Variants in TMEM132D observed in about 807,000 individuals in gnomAD.
TMEM132D encodes the protein mature OL transmembrane protein.
A neutral mutation model predicts 62.3 loss-of-function variants in TMEM132D; 21 were observed. That is an observed-to-expected ratio of 0.34 (90% CI 0.24 to 0.49). The LOEUF is 0.49. Among genes scored for constraint, TMEM132D ranks in the 20% least tolerant of loss-of-function variants. The pLI is 0.99. For missense variants in TMEM132D, 1,346 were observed against 1,402.8 expected (o/e 0.96, Z 0.65); for synonymous variants, 621 against 575.6 (o/e 1.08, Z -1.13).
At chr12:129,490,302 G>A (rs1323612622) in intron 3 of TMEM132D, among the ~76,000 whole-genome samples, 3 of 151,712 alleles carry the variant, frequency 2.0e-5, no homozygotes, top group East Asian at 3.9e-4. Flanking sequence ...CAGTTTAGAT[G>A]TCTATGTGTT....
At chr12:129,333,694 G>T (rs1186340489) in intron 4 of TMEM132D, among the ~76,000 whole-genome samples, 1 of 152,162 alleles carries the variant, frequency 6.6e-6, no homozygotes, top group East Asian at 1.9e-4. Context: ...TCCTGGAATA[G>T]CTCACTCTCT....
chr12:129,457,488 GC>G (rs1439164339), intron 3 of TMEM132D, among the ~76,000 whole-genome samples: 8 of 150,612 alleles, frequency 5.3e-5, no homozygotes. Context: ...TATACCTAAT[GC>G]TAAATGACGA....
chr12:129,522,099 T>C (rs1316866340), intron 3 of TMEM132D, among the ~76,000 whole-genome samples: 3 of 152,134 alleles, frequency 2.0e-5, no homozygotes, highest in Non-Finnish European at 4.4e-5. Context: ...GTATTGCCAG[T>C]TTCTCTAACT....
At chr12:129,349,250 A>G (rs191657969) in intron 3 of TMEM132D, among the ~76,000 whole-genome samples, 1 of 152,336 alleles carries the variant, frequency 6.6e-6, no homozygotes, top group East Asian at 1.9e-4. Flanking sequence ...AGTATGCCAG[A>G]CTTTGAATCC....
intron 4 of TMEM132D, among the ~76,000 whole-genome samples, chr12:129,279,092 C>A (rs564283249): frequency 1.3e-5 from 2 of 151,972 alleles, no homozygotes; most frequent in Non-Finnish European, 2.9e-5. Flanking sequence ...AATTTAGCCA[C>A]GAAATTTAAT....
chr12:129,616,682 A>G (rs1878925569), intron 2 of TMEM132D, among the ~76,000 whole-genome samples: 1 of 152,148 alleles, frequency 6.6e-6, no homozygotes, highest in Non-Finnish European at 1.5e-5. Context: ...CATGTGAAGA[A>G]GGACGTGTCT....
chr12:129,838,940 T>C (rs1381906031), intron 1 of TMEM132D, among the ~76,000 whole-genome samples: 3 of 150,100 alleles, frequency 2.0e-5, no homozygotes, highest in African/African-American at 7.3e-5. Context: ...TAGGAACTTT[T>C]AAACTTAAAA....
intron 2 of TMEM132D, among the ~76,000 whole-genome samples, chr12:129,674,267 G>A (rs975514451): frequency 1.3e-5 from 2 of 152,176 alleles, no homozygotes; most frequent in African/African-American, 2.4e-5. Flanking sequence ...GATCTGAATC[G>A]AAGCAGTCTG....
intron 2 of TMEM132D, among the ~76,000 whole-genome samples, chr12:129,643,696 T>C (rs1411219811): frequency 6.6e-6 from 1 of 152,138 alleles, no homozygotes; most frequent in Non-Finnish European, 1.5e-5. Context: ...GATAAATGCA[T>C]ATTCAATTGC....
At position 129,130,015 on chromosome 12, in the gene TMEM132D, CTGTGTGTGTGTGTG is replaced by C. The variant is rs59282376; in HGVS notation, c.1444-45327_1444-45314del. ...CAAGCTCAAAAATCAAAGCTCTGCT[CTGTGTGTGTGTGTG>C]TGTGTGTGTGTGTGTGTGTGTGTGT... is the stretch of plus-strand genomic sequence containing the variant. On this transcript the variant is annotated intron_variant, in intron 5 of 8. Transcript: ENST00000422113. Among the ~76,000 whole-genome samples the C allele has an allele frequency of 1.5e-4, 22 of 141,956 alleles. No individual in the cohort carries two copies. In the South Asian group the frequency reaches 4.2e-3, roughly 27 times the overall value. 93.1% of individuals were successfully genotyped at this position (141,956 alleles called of 152,430 possible).
intron 1 of TMEM132D, among the ~76,000 whole-genome samples, chr12:129,874,741 A>T (rs1303784121): frequency 7.7e-5 from 10 of 129,210 alleles, no homozygotes; most frequent in Non-Finnish European, 1.4e-4. Context: ...CACTCTTGTC[A>T]CCCAGGCTGG....
intron 2 of TMEM132D, among the ~76,000 whole-genome samples, chr12:129,533,086 G>T (rs1876275822): frequency 6.6e-6 from 1 of 152,204 alleles, no homozygotes; most frequent in African/African-American, 2.4e-5. Flanking sequence ...AGTCCACAAA[G>T]AGAGAAAGAA....
At chr12:129,135,954 T>C (rs1304425840) in intron 5 of TMEM132D, among the ~76,000 whole-genome samples, 2 of 152,224 alleles carry the variant, frequency 1.3e-5, no homozygotes, top group African/African-American at 4.8e-5. Flanking sequence ...TAACTAACTA[T>C]ATCTGCAATG....
intron 5 of TMEM132D, among the ~76,000 whole-genome samples, chr12:129,087,699 T>A (rs1874664498): frequency 6.6e-6 from 1 of 152,192 alleles, no homozygotes; most frequent in Non-Finnish European, 1.5e-5. Flanking sequence ...GTCGGCCCAG[T>A]GGAGCTGATT....
At chr12:129,628,006 T>A (rs919340696) in intron 2 of TMEM132D, among the ~76,000 whole-genome samples, 6 of 152,182 alleles carry the variant, frequency 3.9e-5, no homozygotes, top group Admixed American at 3.9e-4. Context: ...GTAATTTATA[T>A]CACACAAAAG....
chr12:129,815,188 T>C (rs1188309755), intron 1 of TMEM132D, among the ~76,000 whole-genome samples: 1 of 152,208 alleles, frequency 6.6e-6, no homozygotes, highest in African/African-American at 2.4e-5. Context: ...GGTTAGTATA[T>C]ACATGTGATG....
intron 6 of TMEM132D, among the ~76,000 whole-genome samples, chr12:129,083,100 G>GT (rs1450715495): frequency 6.6e-6 from 1 of 152,184 alleles, no homozygotes; most frequent in Non-Finnish European, 1.5e-5. Context: ...AAGCCACTAC[G>GT]TTAGACAGAA....
chr12:129,580,739 A>C (rs76810869), intron 2 of TMEM132D, among the ~76,000 whole-genome samples: 53,441 of 151,468 alleles, frequency 0.35, 10,070 homozygotes, highest in Non-Finnish European at 0.41. Flanking sequence ...AAAAATAAAT[A>C]AATAAATAAA....
intron 2 of TMEM132D, among the ~76,000 whole-genome samples, chr12:129,548,069 C>A (rs73155276): frequency 0.18 from 28,123 of 152,114 alleles, 3,034 homozygotes; most frequent in East Asian, 0.42. Flanking sequence ...TCAGCCTGTG[C>A]TGATAGGAAT....
Sources: allele counts gnomAD v4.1 joint callset (sites outside exome capture counted in the v4.1 genomes callset), GRCh38; gene constraint gnomAD v4.1.1; transcripts MANE v1.5; gene names NCBI Gene and HGNC (gene_info 2026-07-23, HGNC 2026-07-21).